PPP4R2: variants seen among roughly 807,000 people sequenced by gnomAD.
PPP4R2 encodes the protein protein phosphatase 4 regulatory subunit 2.
PPP4R2 carries 13 observed loss-of-function variants against 47.2 expected under a neutral mutation model. That is an observed-to-expected ratio of 0.28 (90% confidence interval 0.18 to 0.44). The LOEUF (loss-of-function observed/expected upper bound fraction) is 0.44, where lower values mean the gene tolerates loss of function less well. Among genes scored for constraint, PPP4R2 ranks in the 20% least tolerant of loss-of-function variants. PPP4R2 has a pLI of 1.00. For synonymous variants in PPP4R2, 151 were observed against 163.3 expected (o/e 0.92, Z 0.57); for missense variants, 421 against 491.2 (o/e 0.86, Z 1.35).
intron 2 of PPP4R2, among the ~76,000 whole-genome samples, chr3:73,009,933 C>G (rs1390266329): frequency 1.3e-5 from 2 of 152,220 alleles, no homozygotes; most frequent in Non-Finnish European, 2.9e-5. Context: ...ATGTGTCAGG[C>G]TGCCCAGGTT....
chr3:73,023,079 TTGTGAC>T (rs1701992017), intron 2 of PPP4R2, among the ~76,000 whole-genome samples: 1 of 152,180 alleles, frequency 6.6e-6, no homozygotes, highest in South Asian at 2.1e-4. Flanking sequence ...CATCCTTACT[TTGTGAC>T]TGTTTAAGAG....
chr3:73,033,700 T>C (rs1036570300), intron 2 of PPP4R2, among the ~76,000 whole-genome samples: 3 of 152,232 alleles, frequency 2.0e-5, no homozygotes, highest in African/African-American at 7.2e-5. Context: ...CATTCCTCCT[T>C]CCTTCCAATC....
In PPP4R2 at chr3:73,065,793, TAATAA is replaced by T. The variant is rs1398475174; in HGVS notation, c.*75_*79del. 3.9e-6 allele frequency: 4 copies of T among 1,020,524 alleles called. No homozygotes were observed. In the East Asian group the frequency reaches 1.0e-4, roughly 27 times the overall value. The allele number at this position is 1,020,524 out of a possible 1,614,324, so 63.2% of individuals were successfully genotyped here. On this transcript the variant is annotated 3_prime_UTR_variant, in exon 9 of 9. Transcript: ENST00000356692. Reference sequence around the variant, plus strand: ...TTTAACACTGTATAAAACTTTTGTGTAATAAAATGGACCTTTAGTTTTACAAGAGA... The same window carrying T: ...TTTAACACTGTATAAAACTTTTGTGTAATGGACCTTTAGTTTTACAAGAGA...
At chr3:73,030,210 A>G (rs982509830) in intron 2 of PPP4R2, among the ~76,000 whole-genome samples, 1 of 152,180 alleles carries the variant, frequency 6.6e-6, no homozygotes, top group Admixed American at 6.5e-5. Context: ...AAAGGGGAGA[A>G]TTGCTCAAGT....
chr3:73,054,758 A>AT (rs936127732), intron 3 of PPP4R2, among the ~76,000 whole-genome samples: 2 of 152,094 alleles, frequency 1.3e-5, no homozygotes, highest in African/African-American at 2.4e-5. Context: ...AGTTAAACTG[A>AT]TTTTTTTAGA....
rs893722744 is a variant in PPP4R2 at position 73,067,124 on chromosome 3, G to A, written c.*1402G>A. 5.9e-5 allele frequency: 9 copies of A among 152,054 alleles called. No individual in the cohort carries two copies. Among genetic ancestry groups the A allele is most frequent in the Admixed American group, 1.3e-4 (2 of 15,266 alleles). 9.4% of individuals were successfully genotyped at this position (152,054 alleles called of 1,614,324 possible). ...AGCGGTATATAATTGTATAATTTCT[G>A]TGTGTAAACTGAATGCTTGGGCTTT... On this transcript the variant is annotated 3_prime_UTR_variant, in exon 9 of 9. Coordinates refer to ENST00000356692, the MANE Select transcript of PPP4R2 (RefSeq NM_174907.4).
At chr3:72,998,315 C>A (rs926460724) in intron 2 of PPP4R2, among the ~76,000 whole-genome samples, 157 bp downstream of exon 2, 8 of 152,126 alleles carry the variant, frequency 5.3e-5, no homozygotes, top group African/African-American at 1.9e-4. Flanking sequence ...ATTTAAAGAA[C>A]GTATACGCTT....
In PPP4R2 at chr3:73,001,550, G is replaced by A. The variant is rs144693406; in HGVS notation, c.116+3392G>A. ...GATTGTGCCACAGCACTCCAGTCTG[G>A]GCAACAGAGTAAGACCTTGTCTCAA... On this transcript the variant is annotated intron_variant, in intron 2 of 8. Transcript: ENST00000356692. 5.2e-3 allele frequency among the ~76,000 whole-genome samples: 787 copies of A among 152,264 alleles called. 7 individuals are homozygous for A. Among genetic ancestry groups the A allele is most frequent in the African/African-American group, 0.018 (758 of 41,544 alleles).
chr3:73,011,059 T>C (rs1163444229), intron 2 of PPP4R2, among the ~76,000 whole-genome samples: 1 of 152,220 alleles, frequency 6.6e-6, no homozygotes, highest in Non-Finnish European at 1.5e-5. Flanking sequence ...ACTCAGGCAT[T>C]CTGGCTCCAA....
chr3:73,021,939 C>G lies in PPP4R2; in HGVS notation c.116+23781C>G, dbSNP rs866399798. On this transcript the variant is annotated intron_variant, in intron 2 of 8. Transcript: ENST00000356692. ...TTTGAAACAATCTCGCTCTGTTGTT[C>G]AGGTTGGAGTGCAGTGGCACAGTCT... Among the ~76,000 whole-genome samples the G allele has an allele frequency of 9.1e-5, 12 of 131,218 alleles. No homozygotes were observed. In the South Asian group the frequency reaches 2.9e-3, roughly 32 times the overall value. 86.1% of individuals were successfully genotyped at this position (131,218 alleles called of 152,430 possible).
At position 73,002,699 on chromosome 3, in the gene PPP4R2, T is replaced by G. The variant is rs568131538; in HGVS notation, c.116+4541T>G. On this transcript the variant is annotated intron_variant, in intron 2 of 8. Coordinates refer to ENST00000356692, the MANE Select transcript of PPP4R2 (RefSeq NM_174907.4). ...CTCTGTCACCCAGGCTGGAGTGCAG[T>G]GGCGCGATCTCGGCTCGCTACAACC... Among the ~76,000 whole-genome samples the G allele has an allele frequency of 2.1e-5, 3 of 143,654 alleles. No homozygotes were observed. The South Asian group carries it at 6.6e-4, about 31-fold the overall frequency. The allele number at this position is 143,654 out of a possible 152,430, so 94.2% of individuals were successfully genotyped here.
At chr3:73,024,553 G>A (rs951339595) in intron 2 of PPP4R2, among the ~76,000 whole-genome samples, 7 of 152,084 alleles carry the variant, frequency 4.6e-5, no homozygotes, top group African/African-American at 1.7e-4. Context: ...AATTAATTTA[G>A]TAGTCTCACA....
At chr3:73,018,558 G>A (rs535409908) in intron 2 of PPP4R2, among the ~76,000 whole-genome samples, 2 of 148,772 alleles carry the variant, frequency 1.3e-5, no homozygotes, top group South Asian at 2.1e-4. Context: ...GGCACAAGCA[G>A]TTCTCCCACC....
chr3:73,011,214 T>C (rs1277036686), intron 2 of PPP4R2, among the ~76,000 whole-genome samples: 1 of 152,244 alleles, frequency 6.6e-6, no homozygotes, highest in African/African-American at 2.4e-5. Context: ...GTGCGGTGGC[T>C]CACGCCTGTA....
intron 7 of PPP4R2, 107 bp downstream of exon 7, chr3:73,064,253 G>A (rs1702936210): frequency 1.0e-6 from 1 of 971,582 alleles, no homozygotes; most frequent in Non-Finnish European, 1.5e-6. Flanking sequence ...ACAGAACAAG[G>A]TTTTCATGCG....
intron 8 of PPP4R2, 60 bp from the exon 9 acceptor site, chr3:73,065,337 T>C (rs1702969050): frequency 1.4e-6 from 2 of 1,471,870 alleles, no homozygotes; most frequent in Non-Finnish European, 1.8e-6. Flanking sequence ...TTCATGAAAC[T>C]TAACTGTGGA....
At position 73,064,155 on chromosome 3, in the gene PPP4R2, G is replaced by A. The variant is rs1702934173; in HGVS notation, c.638+9G>A. ...GAGGAGAAAAATCACAGGTTTGTAT[G>A]TTTTATATTTAAAAACAGTGTTTTT... On this transcript the variant is annotated intron_variant, in intron 7 of 8. Coordinates refer to ENST00000356692, the MANE Select transcript of PPP4R2 (RefSeq NM_174907.4). 1.9e-6 allele frequency: 3 copies of A among 1,594,836 alleles called. No homozygotes were observed. Among genetic ancestry groups the A allele is most frequent in the Non-Finnish European group, 2.6e-6 (3 of 1,173,912 alleles).
chr3:73,013,819 T>C (rs960564752), intron 2 of PPP4R2, among the ~76,000 whole-genome samples: 5 of 152,178 alleles, frequency 3.3e-5, no homozygotes, highest in Non-Finnish European at 7.3e-5. Context: ...TTTTGTATTT[T>C]TAGTAGAGAC....
At chr3:73,041,947 A>G (rs1345835988) in intron 2 of PPP4R2, among the ~76,000 whole-genome samples, 2 of 152,234 alleles carry the variant, frequency 1.3e-5, no homozygotes, top group Non-Finnish European at 2.9e-5. Context: ...TGTAAAATCT[A>G]GCACCAGGAT....
Sources: gnomAD v4.1 joint callset for allele counts (sites outside exome capture counted in the v4.1 genomes callset) on GRCh38, gnomAD v4.1.1 for gene constraint, MANE v1.5 for transcripts, NCBI Gene and HGNC (gene_info 2026-07-23, HGNC 2026-07-21) for gene names.